Variants in ZBTB20 observed in about 807,000 individuals in gnomAD.
The protein encoded by ZBTB20 is zinc finger and BTB domain containing 20, also known as zinc finger and BTB domain-containing protein 20.
ZBTB20 carries 9 observed loss-of-function variants against 56.9 expected under a neutral mutation model. That is an observed-to-expected ratio of 0.16 (90% confidence interval 0.10 to 0.28). The LOEUF (loss-of-function observed/expected upper bound fraction) is 0.28. ZBTB20 is among the 10% of genes least tolerant of loss of function. The pLI, the probability that ZBTB20 is intolerant of heterozygous loss-of-function variation, is 1.00. For synonymous variants in ZBTB20, 417 were observed against 420.7 expected (o/e 0.99, Z 0.11); for missense variants, 655 against 1,003.0 (o/e 0.65, Z 4.69).
At chr3:115,034,636 T>C (rs1337023750) in intron 2 of ZBTB20, among the ~76,000 whole-genome samples, 1 of 151,962 alleles carries the variant, frequency 6.6e-6, no homozygotes, top group Non-Finnish European at 1.5e-5. Flanking sequence ...CTTAACATTG[T>C]CAAGATATCA....
At chr3:114,424,411 T>C (rs1373086844) in intron 7 of ZBTB20, among the ~76,000 whole-genome samples, 2 of 152,198 alleles carry the variant, frequency 1.3e-5, no homozygotes, top group African/African-American at 2.4e-5. Context: ...TCCATTTACA[T>C]GCCAGGATTT....
chr3:114,928,601 T>C (rs577457957), intron 3 of ZBTB20, among the ~76,000 whole-genome samples: 56 of 152,316 alleles, frequency 3.7e-4, no homozygotes, highest in African/African-American at 1.3e-3. Flanking sequence ...AAATTAAAAA[T>C]GTAGACTCCC....
intron 7 of ZBTB20, among the ~76,000 whole-genome samples, chr3:114,419,529 C>T (rs779396493): frequency 4.6e-5 from 7 of 152,104 alleles, no homozygotes; most frequent in Non-Finnish European, 8.8e-5. Flanking sequence ...CACCCAGATG[C>T]TGTACTCCCA....
intron 7 of ZBTB20, among the ~76,000 whole-genome samples, chr3:114,476,360 T>A (rs2040764694): frequency 1.3e-5 from 2 of 152,254 alleles, no homozygotes; most frequent in Non-Finnish European, 2.9e-5. Context: ...TACTTTTGTA[T>A]ATGTTTGAAA....
intron 6 of ZBTB20, among the ~76,000 whole-genome samples, chr3:114,648,631 T>C (rs1428573514): frequency 2.6e-5 from 4 of 151,966 alleles, no homozygotes; most frequent in African/African-American, 4.8e-5. Flanking sequence ...TACATAAAAA[T>C]CTAGAAGAAT....
intron 6 of ZBTB20, among the ~76,000 whole-genome samples, chr3:114,625,198 T>C (rs544693400): frequency 4.2e-4 from 64 of 151,602 alleles, no homozygotes; most frequent in Non-Finnish European, 7.1e-4. Context: ...GGGTGAAGAT[T>C]GTAGGACTGT....
chr3:115,042,382 T>C (rs1395334319), intron 2 of ZBTB20, among the ~76,000 whole-genome samples: 1 of 152,234 alleles, frequency 6.6e-6, no homozygotes, highest in Admixed American at 6.5e-5. Context: ...CATCAGTTCA[T>C]CTGCAAATTA....
At chr3:114,639,722 G>A (rs1038668721) in intron 6 of ZBTB20, among the ~76,000 whole-genome samples, 32 of 152,058 alleles carry the variant, frequency 2.1e-4, no homozygotes, top group African/African-American at 7.7e-4. Context: ...TTTAGCAATA[G>A]TTAGCAATAC....
At chr3:114,361,231 G>C (rs960210028) in intron 10 of ZBTB20, among the ~76,000 whole-genome samples, 12 of 152,232 alleles carry the variant, frequency 7.9e-5, no homozygotes, top group Admixed American at 7.2e-4. Flanking sequence ...TTGCTTTCCT[G>C]TGTGTGGATT....
intron 10 of ZBTB20, among the ~76,000 whole-genome samples, chr3:114,374,425 C>T (rs1184849303): frequency 6.6e-6 from 1 of 152,206 alleles, no homozygotes; most frequent in East Asian, 1.9e-4. Flanking sequence ...TAGTAACTGT[C>T]TGTGGTTGTT....
intron 5 of ZBTB20, among the ~76,000 whole-genome samples, chr3:114,703,844 G>A (rs944336092): frequency 6.6e-6 from 1 of 152,146 alleles, no homozygotes. Context: ...ACTGTAGAAC[G>A]AAACCAACTC....
intron 5 of ZBTB20, among the ~76,000 whole-genome samples, chr3:114,781,338 C>A (rs2070082243): frequency 6.6e-6 from 1 of 152,162 alleles, no homozygotes; most frequent in Non-Finnish European, 1.5e-5. Flanking sequence ...AGAACAGGGA[C>A]TGGCACATAG....
At position 114,351,799 on chromosome 3, in the gene ZBTB20, G is replaced by C; in HGVS notation, c.279C>G (p.Thr93=). Residue 93 remains threonine (T), a synonymous_variant, in exon 11 of 12, where the codon ACC becomes ACG. Coordinates refer to ENST00000675478, the MANE Select transcript of ZBTB20 (RefSeq NM_001348800.3). ...LHNFSNSVLE[T]LNEQRNRGHF... is the part of the protein sequence containing the mutation. ...GGCCACGGTTGCGCTGCTCGTTGAG[G>C]GTCTCGAGCACGGAATTGCTGAAGT... The C allele has an allele frequency of 2.5e-6, 4 of 1,608,476 alleles. No individual in the cohort carries two copies. The highest frequency in any genetic ancestry group is 3.4e-6 in the Non-Finnish European group (4 of 1,175,218).
At chr3:114,928,396 A>ATGATGGAGAACCTCAAGGTTCTTCAG (rs1208926301) in intron 3 of ZBTB20, among the ~76,000 whole-genome samples, 1 of 150,296 alleles carries the variant, frequency 6.7e-6, no homozygotes, top group Non-Finnish European at 1.5e-5. Flanking sequence ...AGGTTCTTCA[A>ATGATGGAGAACCTCAAGGTTCTTCAG]TGATGGAGAA....
chr3:114,751,894 G>GT (rs1440724187), intron 5 of ZBTB20, among the ~76,000 whole-genome samples: 2 of 152,080 alleles, frequency 1.3e-5, no homozygotes, highest in Admixed American at 1.3e-4. Flanking sequence ...CCCGCTCTCA[G>GT]TAAGAAATGT....
chr3:114,783,036 T>C (rs2070226932), intron 5 of ZBTB20, among the ~76,000 whole-genome samples: 1 of 152,214 alleles, frequency 6.6e-6, no homozygotes, highest in Non-Finnish European at 1.5e-5. Flanking sequence ...TCTTTCAACC[T>C]AATGTGATAA....
chr3:114,485,863 C>T lies in ZBTB20; in HGVS notation c.-255+14489G>A, dbSNP rs143779363. 1.3e-3 allele frequency among the ~76,000 whole-genome samples: 194 copies of T among 152,214 alleles called. 1 individual carries two copies. Among genetic ancestry groups the T allele is most frequent in the Admixed American group, 6.8e-3 (104 of 15,282 alleles). On this transcript the variant is annotated intron_variant, in intron 7 of 11. Coordinates refer to ENST00000675478, the MANE Select transcript of ZBTB20 (RefSeq NM_001348800.3). ...GTGCCTCAATCTTGAATTTCCTAGT[C>T]TCTGTAACTATGAAAAATAAGTTTC...
At chr3:114,572,334 A>G (rs540847366) in intron 6 of ZBTB20, among the ~76,000 whole-genome samples, 1 of 152,378 alleles carries the variant, frequency 6.6e-6, no homozygotes, top group Admixed American at 6.5e-5. Flanking sequence ...CACAAAGTGT[A>G]AGCATTTCTA....
At chr3:114,484,560 C>T (rs1466673192) in intron 7 of ZBTB20, among the ~76,000 whole-genome samples, 1 of 152,176 alleles carries the variant, frequency 6.6e-6, no homozygotes, top group Non-Finnish European at 1.5e-5. Context: ...TTAAGATTTT[C>T]ATTACTGATA....
Sources: gnomAD v4.1 joint callset for allele counts (sites outside exome capture counted in the v4.1 genomes callset) on GRCh38, gnomAD v4.1.1 for gene constraint, MANE v1.5 for transcripts, NCBI Gene and HGNC (gene_info 2026-07-23, HGNC 2026-07-21) for gene names.